ANO3: variants seen among roughly 807,000 people sequenced by gnomAD.
ANO3 encodes anoctamin 3.
Under a neutral mutation model 144.8 loss-of-function variants are expected in ANO3, and 99 were observed. The observed-to-expected ratio is 0.68, with a 90% CI of 0.58 to 0.81. The LOEUF is 0.81. Ranked by LOEUF, ANO3 falls within the 30% of genes least tolerant of loss-of-function variation. The pLI is 0.00. For missense variants in ANO3, 905 were observed against 1,202.2 expected, an observed-to-expected ratio of 0.75 and a Z score of 3.66; for synonymous variants, 414 against 392.6, an observed-to-expected ratio of 1.05 and a Z score of -0.64.
chr11:26,579,513 C>T (rs1851075020), intron 14 of ANO3, among the ~76,000 whole-genome samples: 1 of 152,148 alleles, frequency 6.6e-6, no homozygotes, highest in Admixed American at 6.5e-5. Context: ...ATTGAAAGGA[C>T]TATACATACC....
chr11:26,346,684 G>A (rs1169762314), intron 1 of ANO3, among the ~76,000 whole-genome samples: 6 of 152,104 alleles, frequency 3.9e-5, no homozygotes, highest in African/African-American at 9.7e-5. Flanking sequence ...AATACTTATC[G>A]AATGCCTACC....
At chr11:26,350,147 A>G (rs923261181) in intron 1 of ANO3, among the ~76,000 whole-genome samples, 2 of 152,166 alleles carry the variant, frequency 1.3e-5, no homozygotes, top group African/African-American at 4.8e-5. Flanking sequence ...TTAGAAGCCA[A>G]TTCAACTATT....
rs1438591693 is a variant in ANO3, at chr11:26,354,446, A to T, written c.46+22125A>T. Among the ~76,000 whole-genome samples, 4 of 152,206 alleles carry T rather than the reference A, an allele frequency of 2.6e-5. No individual in the cohort carries two copies. In the East Asian group the frequency reaches 7.7e-4, roughly 29 times the overall value. On this transcript the variant is annotated intron_variant, in intron 1 of 26. Coordinates refer to ENST00000256737, the MANE Select transcript of ANO3 (RefSeq NM_031418.4). ...ACATCAATTTGTATGCATTAAATAT[A>T]TCTTCTTAAATGTCAATCATACCTC...
chr11:26,260,856 G>T (rs983491162), intron 1 of ANO3, among the ~76,000 whole-genome samples: 3 of 152,120 alleles, frequency 2.0e-5, no homozygotes, highest in Non-Finnish European at 4.4e-5. Flanking sequence ...GAAGGTTCTT[G>T]GTGGGGCCTT....
At chr11:26,315,971 T>G (rs1854616286) in intron 1 of ANO3, among the ~76,000 whole-genome samples, 1 of 152,138 alleles carries the variant, frequency 6.6e-6, no homozygotes, top group Admixed American at 6.6e-5. Flanking sequence ...GTCTCCACTC[T>G]TTTACTAAAG....
chr11:26,395,842 C>T (rs1447056112), intron 1 of ANO3, among the ~76,000 whole-genome samples: 1 of 152,000 alleles, frequency 6.6e-6, no homozygotes, highest in Non-Finnish European at 1.5e-5. Flanking sequence ...CATAAAAACC[C>T]TAAGAATACC....
chr11:26,273,589 G>A (rs1416742259), intron 1 of ANO3, among the ~76,000 whole-genome samples: 9 of 150,578 alleles, frequency 6.0e-5, no homozygotes, highest in Non-Finnish European at 8.8e-5. Flanking sequence ...CAGGATTTAC[G>A]ACAGAGCAAC....
chr11:26,532,332 C>A (rs1041053891), intron 8 of ANO3, among the ~76,000 whole-genome samples: 1 of 152,098 alleles, frequency 6.6e-6, no homozygotes, highest in South Asian at 2.1e-4. Flanking sequence ...TTCACGGAAG[C>A]TTTTTCAGCT....
At position 26,319,099 on chromosome 11, in the gene ANO3, C is replaced by G. The variant is rs1854696278; in HGVS notation, c.-3+9380C>G. Among the ~76,000 whole-genome samples the G allele has an allele frequency of 2.0e-5, 3 of 151,942 alleles. No individual in the cohort carries two copies. In the South Asian group the frequency reaches 6.2e-4, roughly 32 times the overall value. ...TCACATGACCCTCCCACCTCAGCCTCCAACGTAGCTGGAACTACAGGTGTG... is the reference window on the plus strand; with the variant it reads ...TCACATGACCCTCCCACCTCAGCCTGCAACGTAGCTGGAACTACAGGTGTG... On this transcript the variant is annotated intron_variant, in intron 1 of 26. Transcript: ENST00000525139.
intron 10 of ANO3, among the ~76,000 whole-genome samples, chr11:26,541,059 A>T (rs1014921127): frequency 3.3e-5 from 5 of 152,214 alleles, no homozygotes; most frequent in Admixed American, 3.3e-4. Context: ...ATGCCCATCA[A>T]TGATAGACTG....
intron 1 of ANO3, among the ~76,000 whole-genome samples, chr11:26,255,457 G>A (rs568649136): frequency 6.6e-6 from 1 of 152,172 alleles, no homozygotes; most frequent in East Asian, 1.9e-4. Flanking sequence ...AGTAATCATG[G>A]CCCATTTATT....
chr11:26,554,134 T>A (rs1850018051), intron 13 of ANO3, among the ~76,000 whole-genome samples: 1 of 152,130 alleles, frequency 6.6e-6, no homozygotes, highest in Non-Finnish European at 1.5e-5. Context: ...CTGCTTTGTG[T>A]CATTATAGAT....
chr11:26,273,317 G>A (rs1853487173), intron 1 of ANO3, among the ~76,000 whole-genome samples: 2 of 148,426 alleles, frequency 1.3e-5, no homozygotes, highest in African/African-American at 2.5e-5. Context: ...TGGTCTATTT[G>A]CCCCCATACA....
chr11:26,225,252 G>A (rs139555975), intron 1 of ANO3, among the ~76,000 whole-genome samples: 2 of 152,150 alleles, frequency 1.3e-5, no homozygotes, highest in Non-Finnish European at 2.9e-5. Context: ...GATTTGTGGG[G>A]CTTGAAGCTC....
intron 11 of ANO3, among the ~76,000 whole-genome samples, chr11:26,546,078 G>A (rs1313318271): frequency 6.6e-6 from 1 of 151,762 alleles, no homozygotes; most frequent in Admixed American, 6.6e-5. Context: ...GCAACCCTCT[G>A]TCACCAAAAT....
rs367822925 is a variant in ANO3 at position 26,553,224 on chromosome 11, G to GTTTTTT, written c.1290-20_1290-19insTTTTTT. ...ACAGTTTCATGCTATGTTTTGTTTTGTTTTTGTTTTTGTTTTTTCTCAAGC... is the reference window on the plus strand; with the variant it reads ...ACAGTTTCATGCTATGTTTTGTTTTGTTTTTTTTTTTGTTTTTGTTTTTTCTCAAGC... On this transcript the variant is annotated intron_variant, in intron 12 of 26. Coordinates refer to ENST00000256737, the MANE Select transcript of ANO3 (RefSeq NM_031418.4). 67 of 1,174,266 alleles carry GTTTTTT rather than the reference G, an allele frequency of 5.7e-5. 3 individuals are homozygous for GTTTTTT. The African/African-American group carries it at 6.7e-4, about 12-fold the overall frequency. The allele number at this position is 1,174,266 out of a possible 1,614,324, so 72.7% of individuals were successfully genotyped here. A position where few individuals can be genotyped will look rare whatever the true frequency, so the allele number is the denominator to read the frequency against.
chr11:26,283,095 A>C (rs1055377319), intron 1 of ANO3, among the ~76,000 whole-genome samples: 1 of 151,554 alleles, frequency 6.6e-6, no homozygotes, highest in South Asian at 2.1e-4. Flanking sequence ...ATAATTTTTA[A>C]ATTTTTGTTT....
intron 6 of ANO3, among the ~76,000 whole-genome samples, chr11:26,518,621 T>C (rs936175115): frequency 2.6e-5 from 4 of 152,022 alleles, no homozygotes; most frequent in African/African-American, 9.7e-5. Flanking sequence ...TGAAGTATAA[T>C]TTATAATTGT....
chr11:26,383,148 T>C (rs1233031385), intron 1 of ANO3, among the ~76,000 whole-genome samples: 1 of 152,146 alleles, frequency 6.6e-6, no homozygotes, highest in Non-Finnish European at 1.5e-5. Flanking sequence ...AGTGATCAAA[T>C]GAGGTAGGAA....
Sources: gnomAD v4.1 joint callset for allele counts (sites outside exome capture counted in the v4.1 genomes callset) on GRCh38, gnomAD v4.1.1 for gene constraint, MANE v1.5 for transcripts, NCBI Gene and HGNC (gene_info 2026-07-23, HGNC 2026-07-21) for gene names.